Variants in CACNG7 observed in about 807,000 individuals in gnomAD.
CACNG7 encodes the protein voltage-dependent calcium channel gamma-7 subunit.
Under a neutral mutation model 26.3 loss-of-function variants are expected in CACNG7, and 9 were observed. The ratio of observed to expected loss-of-function variants is 0.34; its 90% CI spans 0.21 to 0.60. The LOEUF is 0.60. Among genes scored for constraint, CACNG7 ranks in the 20% least tolerant of loss-of-function variants. The pLI, the probability that CACNG7 is intolerant of heterozygous loss-of-function variation, is 0.81. For synonymous variants in CACNG7, 170 were observed against 157.0 expected (o/e 1.08, Z -0.62); for missense variants, 297 against 380.4 (o/e 0.78, Z 1.82).
intron 4 of CACNG7, among the ~76,000 whole-genome samples, chr19:53,927,899 C>T (rs2069043857): frequency 1.3e-5 from 2 of 151,662 alleles, no homozygotes; most frequent in Admixed American, 1.3e-4. Flanking sequence ...GACGCCAGTG[C>T]ACCTGTCCAT....
In CACNG7 at chr19:53,942,182, C is replaced by G. The variant is rs1212020164; in HGVS notation, c.717C>G (p.Arg239=). Residue 239 remains arginine (R), a synonymous_variant, in exon 6 of 6, where the codon CGC becomes CGG. Transcript: ENST00000391767. The surrounding 1 kb of genome is among the most constrained non-coding windows in gnomAD (Gnocchi z 5.9). Reference sequence around the variant, plus strand: ...TCCTGCAGCCCGAGGCGTGGCGCCGCGGCCGGAGCCCCTCCGACATCTCCA... The same window carrying G: ...TCCTGCAGCCCGAGGCGTGGCGCCGGGGCCGGAGCCCCTCCGACATCTCCA... ...GQFLQPEAWR[R]GRSPSDISSD... The G allele has an allele frequency of 6.2e-7, 1 of 1,613,926 alleles. No individual in the cohort carries two copies. The highest frequency in any genetic ancestry group is 1.1e-5 in the South Asian group (1 of 91,086).
chr19:53,914,286 AAG>A (rs1402680711), intron 2 of CACNG7, among the ~76,000 whole-genome samples: 68 of 94,814 alleles, frequency 7.2e-4, no homozygotes, highest in African/African-American at 2.7e-3. Flanking sequence ...AAAAAAAAAA[AAG>A]AAAAAAAGAA....
rs1218040517 is a variant in CACNG7 at position 53,942,107 on chromosome 19, G to A, written c.642G>A (p.Pro214=). 6 of 1,613,964 alleles carry A rather than the reference G, an allele frequency of 3.7e-6. No homozygotes were observed. The African/African-American group carries it at 4.0e-5, about 11-fold the overall frequency. The change falls in exon 6 of 6, where the codon CCG becomes CCA. Residue 214 remains proline, a synonymous_variant. Coordinates refer to ENST00000391767, the MANE Select transcript of CACNG7 (RefSeq NM_031896.5). This position sits in a 1 kb window ranked among gnomAD's most constrained non-coding sequence, Gnocchi z 5.9. The stretch of plus-strand genomic sequence containing the variant: ...AGGAGGAGATGTACCGTCCACACCC[G>A]GCCTTCTACCGCCCGCGTCTCAGCG... ...YAEEEMYRPH[P]AFYRPRLSDC...
At chr19:53,910,681 G>A (rs2068856750) in intron 1 of CACNG7, among the ~76,000 whole-genome samples, 1 of 152,094 alleles carries the variant, frequency 6.6e-6, no homozygotes, top group Non-Finnish European at 1.5e-5. Context: ...CAGGGGTCGG[G>A]GGAGAATCGT....
chr19:53,919,947 G>A (rs2068927821), intron 4 of CACNG7, among the ~76,000 whole-genome samples: 2 of 129,154 alleles, frequency 1.5e-5, no homozygotes, highest in African/African-American at 3.3e-5. Context: ...TATTGGTGGA[G>A]TTGCCCCAGG....
rs1165173577 is a variant in CACNG7, at chr19:53,943,783, T to G, written c.*1490T>G. On this transcript the variant is annotated 3_prime_UTR_variant, in exon 6 of 6. Transcript: ENST00000391767. ...TTAGTCTGGGTCTCTGCTTCTAGGG[T>G]TGCAGGCCTAAAGTACTGCAGAATG... is the stretch of plus-strand genomic sequence containing the variant. 3 of 152,096 alleles carry G rather than the reference T, an allele frequency of 2.0e-5. No homozygotes were observed. The highest frequency in any genetic ancestry group is 4.4e-5 in the Non-Finnish European group (3 of 68,008). 9.4% of individuals were successfully genotyped at this position (152,096 alleles called of 1,614,324 possible). A position where few individuals can be genotyped will look rare whatever the true frequency, so the allele number is the denominator to read the frequency against.
At chr19:53,914,373 G>A (rs1001976641) in intron 2 of CACNG7, 127 bp from the exon 3 acceptor site, 22 of 688,610 alleles carry the variant, frequency 3.2e-5, no homozygotes, top group Admixed American at 4.7e-5. Flanking sequence ...AGTACAGCTC[G>A]TAACCCTTGG....
At chr19:53,923,852 C>T (rs76198026) in intron 4 of CACNG7, among the ~76,000 whole-genome samples, 66 of 53,392 alleles carry the variant, frequency 1.2e-3, no homozygotes, top group African/African-American at 4.0e-3. Flanking sequence ...TTGCCCCAGG[C>T]CTGGTCATTG....
At chr19:53,922,579 T>C (rs1483016270) in intron 4 of CACNG7, among the ~76,000 whole-genome samples, 1 of 87,242 alleles carries the variant, frequency 1.1e-5, no homozygotes, top group Non-Finnish European at 2.0e-5. Flanking sequence ...TTGGTGGAGT[T>C]GTCCCAGGAC....
intron 4 of CACNG7, among the ~76,000 whole-genome samples, chr19:53,925,891 G>T (rs1395721608): frequency 6.6e-6 from 1 of 152,230 alleles, no homozygotes; most frequent in Non-Finnish European, 1.5e-5. Context: ...AATAGAATCA[G>T]ATGACTGACT....
At chr19:53,916,798 C>CTTT (rs1181417496) in intron 4 of CACNG7, among the ~76,000 whole-genome samples, 3 of 120,048 alleles carry the variant, frequency 2.5e-5, no homozygotes, top group Non-Finnish European at 5.2e-5. Context: ...CTGCGCCTGG[C>CTTT]TTTTTTTTTT....
chr19:53,939,747 C>T lies in CACNG7; in HGVS notation c.425-1723C>T, dbSNP rs940494822. Among the ~76,000 whole-genome samples, 1 of 152,084 alleles carries T rather than the reference C, an allele frequency of 6.6e-6. No homozygotes were observed. The highest frequency in any genetic ancestry group is 1.5e-5 in the Non-Finnish European group (1 of 68,026). Reference sequence around the variant, plus strand: ...ACGCTGTTACAAACATCCGTGTATGCGTTTTTGTATGAACATATGTTTCCA... The same window carrying T: ...ACGCTGTTACAAACATCCGTGTATGTGTTTTTGTATGAACATATGTTTCCA... On this transcript the variant is annotated intron_variant, in intron 4 of 5. Transcript: ENST00000391767. This position sits in a 1 kb window ranked among gnomAD's most constrained non-coding sequence, Gnocchi z 4.2.
chr19:53,927,592 C>T (rs2069040410), intron 4 of CACNG7, among the ~76,000 whole-genome samples: 1 of 152,066 alleles, frequency 6.6e-6, no homozygotes, highest in Non-Finnish European at 1.5e-5. Context: ...AATCCCAGCA[C>T]ATTGGGAGGC....
Position 53,912,268 on chromosome 19 carries a change from G to C in CACNG7, c.-29-535G>C, listed in dbSNP as rs956382833. ...ACAGAGACAGGGCTGCAGGATGCCA[G>C]GTCCTAGAGCTGAAATCATTGATCT... On this transcript the variant is annotated intron_variant, in intron 1 of 5. Transcript: ENST00000391767. This position sits in a 1 kb window ranked among gnomAD's most constrained non-coding sequence, Gnocchi z 4.6. Among the ~76,000 whole-genome samples, 27 of 152,148 alleles carry C rather than the reference G, an allele frequency of 1.8e-4. No homozygotes were observed. The highest frequency in any genetic ancestry group is 6.3e-4 in the African/African-American group (26 of 41,420).
At chr19:53,933,567 G>C (rs996442014) in intron 4 of CACNG7, among the ~76,000 whole-genome samples, 1 of 151,994 alleles carries the variant, frequency 6.6e-6, no homozygotes, top group Admixed American at 6.6e-5. Flanking sequence ...CTCCCAGAGT[G>C]CTGAGATTAC....
intron 4 of CACNG7, among the ~76,000 whole-genome samples, chr19:53,918,954 G>T (rs933433453): frequency 7.2e-5 from 11 of 152,156 alleles, no homozygotes; most frequent in African/African-American, 2.7e-4. Flanking sequence ...ATTTTTAGTA[G>T]AGACGGGGTT....
rs1568774746 is a variant in CACNG7, at chr19:53,921,795, T to TCCCCAGGTCTGGTCATTGGTGGAGTTG, written c.424+6318_424+6344dup. 3.2e-3 allele frequency among the ~76,000 whole-genome samples: 219 copies of TCCCCAGGTCTGGTCATTGGTGGAGTTG among 68,154 alleles called. 4 individuals carry two copies. Among genetic ancestry groups the TCCCCAGGTCTGGTCATTGGTGGAGTTG allele is most frequent in the East Asian group, 0.011 (29 of 2,748 alleles). 44.7% of individuals were successfully genotyped at this position (68,154 alleles called of 152,430 possible). A position where few individuals can be genotyped will look rare whatever the true frequency, so the allele number is the denominator to read the frequency against. Reference sequence around the variant, plus strand: ...CCAGGTCTGGTCATTGGTGGAGTTGTCCCCAGGTCTGGTCATTGGTGGAGT... The same window carrying TCCCCAGGTCTGGTCATTGGTGGAGTTG: ...CCAGGTCTGGTCATTGGTGGAGTTGTCCCCAGGTCTGGTCATTGGTGGAGTTGCCCCAGGTCTGGTCATTGGTGGAGT... On this transcript the variant is annotated intron_variant, in intron 4 of 5. Coordinates refer to ENST00000391767, the MANE Select transcript of CACNG7 (RefSeq NM_031896.5).
At chr19:53,918,203 T>C (rs1416251736) in intron 4 of CACNG7, among the ~76,000 whole-genome samples, 1 of 152,194 alleles carries the variant, frequency 6.6e-6, no homozygotes, top group Non-Finnish European at 1.5e-5. Flanking sequence ...AAGCCTTCTT[T>C]TGTGGAGTTA....
At chr19:53,927,782 G>C (rs973218158) in intron 4 of CACNG7, among the ~76,000 whole-genome samples, 1 of 150,168 alleles carries the variant, frequency 6.7e-6, no homozygotes, top group African/African-American at 2.5e-5. Context: ...AGGTTGCAGT[G>C]AGCCGAGATC....
Sources: gnomAD v4.1 joint callset for allele counts (sites outside exome capture counted in the v4.1 genomes callset) on GRCh38, gnomAD v4.1.1 for gene constraint, Gnocchi (gnomAD v3.1) non-coding constraint, MANE v1.5 for transcripts, NCBI Gene and HGNC (gene_info 2026-07-23, HGNC 2026-07-21) for gene names.